MMP15: variants seen among roughly 807,000 people sequenced by gnomAD.
The protein encoded by MMP15 is matrix metallopeptidase 15.
A neutral mutation model predicts 65.0 loss-of-function variants in MMP15; 36 were observed. The ratio of observed to expected loss-of-function variants is 0.55; its 90% CI spans 0.42 to 0.73. The LOEUF (loss-of-function observed/expected upper bound fraction) is 0.73, where lower values mean the gene tolerates loss of function less well. Ranked by LOEUF, MMP15 falls within the 30% of genes least tolerant of loss-of-function variation. MMP15 has a pLI of 0.00. For synonymous variants in MMP15, 428 were observed against 410.2 expected, an observed-to-expected ratio of 1.04 and a Z score of -0.52; for missense variants, 870 against 987.8, an observed-to-expected ratio of 0.88 and a Z score of 1.60.
intron 1 of MMP15, among the ~76,000 whole-genome samples, chr16:58,034,913 G>A (rs1959298633): frequency 6.6e-6 from 1 of 150,678 alleles, no homozygotes; most frequent in Non-Finnish European, 1.5e-5. Context: ...CCTCCCCAGG[G>A]CCCCAGCCTG....
intron 6 of MMP15, 58 bp from the exon 7 acceptor site, chr16:58,042,173 A>G: frequency 1.3e-6 from 2 of 1,567,380 alleles, no homozygotes; most frequent in Non-Finnish European, 1.7e-6. Flanking sequence ...TGAGGATGGC[A>G]CCTCTCCCGG....
At chr16:58,026,776 C>A (rs1338523171) in intron 1 of MMP15, among the ~76,000 whole-genome samples, 1 of 152,246 alleles carries the variant, frequency 6.6e-6, no homozygotes, top group South Asian at 2.1e-4. Context: ...AGCCCCCACC[C>A]CGACCCCCTT....
chr16:58,034,826 G>C (rs1440145009), intron 1 of MMP15, among the ~76,000 whole-genome samples: 1 of 152,146 alleles, frequency 6.6e-6, no homozygotes, highest in Non-Finnish European at 1.5e-5. Flanking sequence ...CAGCCCCTGA[G>C]CTGGCCCCGG....
intron 1 of MMP15, among the ~76,000 whole-genome samples, chr16:58,030,402 A>T (rs549190650): frequency 6.6e-6 from 1 of 152,266 alleles, no homozygotes; most frequent in African/African-American, 2.4e-5. Flanking sequence ...GAGGCCATGG[A>T]GCTGGGCCTG....
At chr16:58,029,118 C>T (rs1963863273) in intron 1 of MMP15, among the ~76,000 whole-genome samples, 2 of 152,244 alleles carry the variant, frequency 1.3e-5, no homozygotes, top group Admixed American at 1.3e-4. Context: ...AAAACCGATC[C>T]ACCCGCCTTT....
chr16:58,044,222 G>C (rs747021210), intron 9 of MMP15, among the ~76,000 whole-genome samples: 1 of 152,226 alleles, frequency 6.6e-6, no homozygotes, highest in Non-Finnish European at 1.5e-5. Flanking sequence ...GATGCGAGAG[G>C]ATCGCTTGAG....
chr16:58,045,447 C>A lies in MMP15; in HGVS notation c.*1C>A. The A allele has an allele frequency of 1.3e-6, 2 of 1,515,400 alleles. No homozygotes were observed. The highest frequency in any genetic ancestry group is 1.8e-6 in the Non-Finnish European group (2 of 1,130,446). 93.9% of individuals were successfully genotyped at this position (1,515,400 alleles called of 1,614,324 possible). On this transcript the variant is annotated 3_prime_UTR_variant, in exon 10 of 10. Coordinates refer to ENST00000219271, the MANE Select transcript of MMP15 (RefSeq NM_002428.4). ...GCGCTCGCTGCAGGAGTGGGTCTGA[C>A]CACCCAGCGCTCCTGCTAACGGTGC...
chr16:58,032,720 C>G (rs750561405), intron 1 of MMP15, among the ~76,000 whole-genome samples: 1 of 152,056 alleles, frequency 6.6e-6, no homozygotes, highest in Non-Finnish European at 1.5e-5. Context: ...GGCCTGCTCC[C>G]TAGAGCCCTC....
At position 58,026,510 on chromosome 16, in the gene MMP15, G is replaced by T; in HGVS notation, c.160G>T (p.Glu54Ter). 1 of 1,350,496 alleles carries T rather than the reference G, an allele frequency of 7.4e-7. No homozygotes were observed. Among genetic ancestry groups the T allele is most frequent in the Non-Finnish European group, 9.5e-7 (1 of 1,049,220 alleles). 83.7% of individuals were successfully genotyped at this position (1,350,496 alleles called of 1,614,324 possible). The change falls in exon 1 of 10, where the codon GAG (glutamate) becomes TAG (stop). Residue 54 changes from glutamate to a stop codon, truncating the protein, a stop_gained and splice_region_variant. Coordinates refer to ENST00000219271, the MANE Select transcript of MMP15 (RefSeq NM_002428.4). LOFTEE classifies it high-confidence loss of function. ...GGCCGAAGACGCGGAGGTCCATGCC[G>T]AGGTAAGACCCCCGCCCTGCCCTTT... The part of the protein sequence containing the change: ...VAAEDAEVHA[E>*]NWLRLYGYLP...
intron 1 of MMP15, among the ~76,000 whole-genome samples, chr16:58,037,269 A>C (rs1264641119): frequency 6.6e-6 from 1 of 152,138 alleles, no homozygotes; most frequent in Non-Finnish European, 1.5e-5. Flanking sequence ...ACCAGACCTG[A>C]CCTGGCCTTT....
chr16:58,032,109 C>T (rs1963897027), intron 1 of MMP15, among the ~76,000 whole-genome samples: 1 of 152,108 alleles, frequency 6.6e-6, no homozygotes, highest in African/African-American at 2.4e-5. Flanking sequence ...TCGTGATCTG[C>T]CCGCCTCGGC....
chr16:58,040,829 A>C, intron 5 of MMP15, 131 bp downstream of exon 5: 1 of 1,340,142 alleles, frequency 7.5e-7, no homozygotes, highest in Non-Finnish European at 1.1e-6. Context: ...TGACTTGCCC[A>C]CATCATTTGG....
chr16:58,030,445 T>A (rs928605847), intron 1 of MMP15, among the ~76,000 whole-genome samples: 6 of 152,146 alleles, frequency 3.9e-5, no homozygotes, highest in African/African-American at 1.4e-4. Flanking sequence ...GCCTCTTCCC[T>A]AATCCCATGG....
At chr16:58,042,509 T>A in intron 7 of MMP15, 140 bp downstream of exon 7, 1 of 1,256,140 alleles carries the variant, frequency 8.0e-7, no homozygotes, top group Non-Finnish European at 1.1e-6. Context: ...TCTGGGAGGA[T>A]GAGGACACAG....
chr16:58,042,740 G>A (rs1959481929), intron 7 of MMP15, among the ~76,000 whole-genome samples: 1 of 152,358 alleles, frequency 6.6e-6, no homozygotes, highest in South Asian at 2.1e-4. Flanking sequence ...TTGCAGGGCA[G>A]CGCCCCGTGA....
At chr16:58,043,169 CCCCAGG>C in intron 7 of MMP15, 35 bp from the exon 8 acceptor site, 1 of 1,521,734 alleles carries the variant, frequency 6.6e-7, no homozygotes, top group Non-Finnish European at 8.9e-7. Context: ...CACCCCTCAG[CCCCAGG>C]CCTGACCTCA....
intron 1 of MMP15, among the ~76,000 whole-genome samples, chr16:58,029,122 C>T (rs1051189794): frequency 1.3e-5 from 2 of 152,340 alleles, no homozygotes; most frequent in East Asian, 1.9e-4. Flanking sequence ...CCGATCCACC[C>T]GCCTTTCCTC....
chr16:58,040,579 C>T lies in MMP15; in HGVS notation c.791C>T (p.Ala264Val), dbSNP rs762632881. The T allele has an allele frequency of 1.7e-5, 27 of 1,613,872 alleles. No homozygotes were observed. Among genetic ancestry groups the T allele is most frequent in the South Asian group, 3.3e-5 (3 of 91,082 alleles). Reference protein sequence around the residue: ...FLVAVHELGHALGLEHSSNPN... With the variant: ...FLVAVHELGHVLGLEHSSNPN... ...GTGGCAGTGCATGAGCTGGGCCACG[C>T]GCTGGGGCTGGAGCACTCCAGCAAC... Residue 264 changes from alanine (A) to valine (V), a missense_variant, in exon 5 of 10, where the codon GCG (alanine) becomes GTG (valine). By Grantham distance (64) the Ala-to-Val change is moderately conservative. Transcript: ENST00000219271.
chr16:58,041,003 T>C, intron 5 of MMP15: 1 of 472,246 alleles, frequency 2.1e-6, no homozygotes, highest in Non-Finnish European at 3.9e-6. Context: ...AGACCACAAG[T>C]GCCTGGGGGA....
Sources: allele counts gnomAD v4.1 joint callset (sites outside exome capture counted in the v4.1 genomes callset), GRCh38; gene constraint gnomAD v4.1.1; transcripts MANE v1.5; gene names NCBI Gene and HGNC (gene_info 2026-07-23, HGNC 2026-07-21).